The following ENTPD1 variants were observed in gnomAD, a reference collection of about 807,000 sequenced individuals.
ENTPD1 encodes ectonucleoside triphosphate diphosphohydrolase 1, also known as ATP diphosphohydrolase.
ENTPD1 carries 33 observed loss-of-function variants against 57.0 expected under a neutral mutation model. The ratio of observed to expected loss-of-function variants is 0.58; its 90% CI spans 0.44 to 0.77. ENTPD1 has a LOEUF of 0.77. Ranked by LOEUF, ENTPD1 falls within the 30% of genes least tolerant of loss-of-function variation. The pLI, the probability that ENTPD1 is intolerant of heterozygous loss-of-function variation, is 0.00. For synonymous variants in ENTPD1, 202 were observed against 218.8 expected (o/e 0.92, Z 0.68); for missense variants, 501 against 603.4 (o/e 0.83, Z 1.78).
intron 8 of ENTPD1, among the ~76,000 whole-genome samples, chr10:95,863,071 G>C (rs2098467964): frequency 6.6e-6 from 1 of 152,332 alleles, no homozygotes; most frequent in South Asian, 2.1e-4. Flanking sequence ...CCACAGGCAT[G>C]AGCATGATCA....
Position 95,853,643 on chromosome 10 carries a change from A to G in ENTPD1, c.1074+5937A>G, listed in dbSNP as rs183763722. 5.5e-3 allele frequency among the ~76,000 whole-genome samples: 830 copies of G among 152,124 alleles called. 7 individuals are homozygous for G. Among genetic ancestry groups the G allele is most frequent in the African/African-American group, 0.018 (760 of 41,528 alleles). On this transcript the variant is annotated intron_variant, in intron 7 of 9. Coordinates refer to ENST00000371205, the MANE Select transcript of ENTPD1 (RefSeq NM_001776.6). ...TTTATTGAGAGTTTTTAGCATGAAGAGTTGTTGAATTTTGTCAAAGGCCTT... is the reference window on the plus strand; with the variant it reads ...TTTATTGAGAGTTTTTAGCATGAAGGGTTGTTGAATTTTGTCAAAGGCCTT...
intron 7 of ENTPD1, among the ~76,000 whole-genome samples, chr10:95,854,379 A>G (rs1400408671): frequency 6.6e-6 from 1 of 152,062 alleles, no homozygotes; most frequent in Non-Finnish European, 1.5e-5. Flanking sequence ...TTTTCAAAAA[A>G]CCAGCTCCTG....
intron 3 of ENTPD1, 145 bp downstream of exon 3, chr10:95,839,953 A>G: frequency 1.3e-6 from 1 of 759,030 alleles, no homozygotes; most frequent in Non-Finnish European, 2.2e-6. Flanking sequence ...TTGTTATGTT[A>G]TCGTTACAGA....
At chr10:95,838,710 T>C (rs531570342) in intron 2 of ENTPD1, among the ~76,000 whole-genome samples, 1 of 152,358 alleles carries the variant, frequency 6.6e-6, no homozygotes, top group East Asian at 1.9e-4. Flanking sequence ...GGTGGTTATA[T>C]GGATGTGCAC....
intron 7 of ENTPD1, among the ~76,000 whole-genome samples, chr10:95,848,671 T>C (rs1454446129): frequency 1.3e-5 from 2 of 152,200 alleles, no homozygotes; most frequent in Non-Finnish European, 2.9e-5. Flanking sequence ...GCAGGAAAGA[T>C]GTTTAAGGTT....
intron 1 of ENTPD1, among the ~76,000 whole-genome samples, chr10:95,736,087 G>A (rs1302172874): frequency 3.5e-5 from 5 of 143,434 alleles, no homozygotes; most frequent in Admixed American, 2.2e-4. Flanking sequence ...TGCAACATCC[G>A]CCTCCCTGGT....
rs1461900971 is a variant in ENTPD1 at position 95,876,079 on chromosome 10, G to A, written c.*9696G>A. The A allele has an allele frequency of 3.0e-6, 3 of 985,228 alleles. No individual in the cohort carries two copies. In the African/African-American group the frequency reaches 5.2e-5, roughly 17 times the overall value. 61.0% of individuals were successfully genotyped at this position (985,228 alleles called of 1,614,324 possible). ...TAAGGAAATTATTTTTACAAGGTTT[G>A]AAACCTGAAATGCAGTCTATTATCA... On this transcript the variant is annotated 3_prime_UTR_variant, in exon 10 of 10. Coordinates refer to ENST00000371205, the MANE Select transcript of ENTPD1 (RefSeq NM_001776.6).
chr10:95,699,017 A>T, the ENTPD1 span, among the ~76,000 whole-genome samples: 1 of 152,180 alleles, frequency 6.6e-6, no homozygotes, highest in Non-Finnish European at 1.5e-5. Context: ...TTCAAGAAAC[A>T]TCAAAACCCA....
chr10:95,762,512 C>T (rs1161850318), intron 1 of ENTPD1, among the ~76,000 whole-genome samples: 1 of 151,682 alleles, frequency 6.6e-6, no homozygotes, highest in Non-Finnish European at 1.5e-5. Context: ...AGTTTTAAAG[C>T]CTGGTTTTAC....
At chr10:95,780,165 AC>A (rs2098151086) in intron 1 of ENTPD1, among the ~76,000 whole-genome samples, 1 of 152,238 alleles carries the variant, frequency 6.6e-6, no homozygotes, top group Admixed American at 6.5e-5. Flanking sequence ...AAACATAAAA[AC>A]TTTTATTTGA....
intron 1 of ENTPD1, among the ~76,000 whole-genome samples, chr10:95,726,073 A>G (rs117864318): frequency 0.017 from 2,648 of 152,320 alleles, 45 homozygotes; most frequent in Admixed American, 0.052. Context: ...CAAGCAGGTC[A>G]TAGTTTCCCA....
Position 95,873,774 on chromosome 10 carries a change from A to G in ENTPD1, c.*7391A>G. On this transcript the variant is annotated 3_prime_UTR_variant, in exon 10 of 10. Transcript: ENST00000371205. The stretch of plus-strand genomic sequence containing the variant: ...AAACAAAAAGGGTTTAATTGGACTT[A>G]CAGTTCCACATGGCTGGGGAGGCCT... 1 of 906,582 alleles carries G rather than the reference A, an allele frequency of 1.1e-6. No individual in the cohort carries two copies. Among genetic ancestry groups the G allele is most frequent in the East Asian group, 1.2e-4 (1 of 8,464 alleles). 56.2% of individuals were successfully genotyped at this position (906,582 alleles called of 1,614,324 possible). A position where few individuals can be genotyped will look rare whatever the true frequency, so the allele number is the denominator to read the frequency against.
At chr10:95,736,000 A>AGT (rs1555275195) in intron 1 of ENTPD1, among the ~76,000 whole-genome samples, 2 of 112,010 alleles carry the variant, frequency 1.8e-5, no homozygotes, top group Non-Finnish European at 3.9e-5. Flanking sequence ...ACATTTTCAA[A>AGT]GTTTTTTTTT....
At chr10:95,722,880 G>A (rs992219699) in intron 1 of ENTPD1, among the ~76,000 whole-genome samples, 3 of 152,248 alleles carry the variant, frequency 2.0e-5, no homozygotes, top group African/African-American at 7.2e-5. Flanking sequence ...AGCCCCATAC[G>A]AGTAAGATTT....
intron 1 of ENTPD1, among the ~76,000 whole-genome samples, chr10:95,714,326 A>C (rs1354121059): frequency 6.6e-6 from 1 of 152,168 alleles, no homozygotes; most frequent in African/African-American, 2.4e-5. Context: ...AAAAGGAATA[A>C]AAATAAAATT....
chr10:95,869,941 C>A lies in ENTPD1; in HGVS notation c.*3558C>A, dbSNP rs1349772774. 1 of 983,976 alleles carries A rather than the reference C, an allele frequency of 1.0e-6. No individual in the cohort carries two copies. The highest frequency in any genetic ancestry group is 1.2e-6 in the Non-Finnish European group (1 of 828,724). 61.0% of individuals were successfully genotyped at this position (983,976 alleles called of 1,614,324 possible). The stretch of plus-strand genomic sequence containing the variant: ...TCACATGTGGCTTGTAGCTACCATA[C>A]TGGACAGCACATGTCCAAAAAAATA... On this transcript the variant is annotated 3_prime_UTR_variant, in exon 10 of 10. Coordinates refer to ENST00000371205, the MANE Select transcript of ENTPD1 (RefSeq NM_001776.6).
At chr10:95,848,960 G>A (rs749684898) in intron 7 of ENTPD1, among the ~76,000 whole-genome samples, 10 of 152,252 alleles carry the variant, frequency 6.6e-5, no homozygotes, top group South Asian at 2.1e-4. Flanking sequence ...TGCCATAGGT[G>A]GCTTCTCAAA....
chr10:95,694,678 T>G, the ENTPD1 span, among the ~76,000 whole-genome samples: 1 of 151,694 alleles, frequency 6.6e-6, no homozygotes, highest in African/African-American at 2.4e-5. Context: ...TAGAAGATTT[T>G]TTTCCCCGTG....
intron 7 of ENTPD1, among the ~76,000 whole-genome samples, chr10:95,850,893 G>T (rs2098443845): frequency 6.6e-6 from 1 of 152,200 alleles, no homozygotes; most frequent in Non-Finnish European, 1.5e-5. Context: ...CAGAGAATTT[G>T]TTGGGGAGGG....
Sources: gnomAD v4.1 joint callset for allele counts (sites outside exome capture counted in the v4.1 genomes callset) on GRCh38, gnomAD v4.1.1 for gene constraint, MANE v1.5 for transcripts, NCBI Gene and HGNC (gene_info 2026-07-23, HGNC 2026-07-21) for gene names.